Variants in SGCZ observed in about 807,000 individuals in gnomAD.
The protein encoded by SGCZ is zeta-sarcoglycan.
A neutral mutation model predicts 41.3 loss-of-function variants in SGCZ; 40 were observed. That is an observed-to-expected ratio of 0.97 (90% confidence interval 0.75 to 1.26). The LOEUF (loss-of-function observed/expected upper bound fraction) is 1.26, where lower values mean the gene tolerates loss of function less well. Ranked by LOEUF, SGCZ falls within the 50% of genes most tolerant of loss-of-function variation. SGCZ has a pLI of 0.00. For synonymous variants in SGCZ, 206 were observed against 137.5 expected, an observed-to-expected ratio of 1.50 and a Z score of -3.49; for missense variants, 552 against 369.8, an observed-to-expected ratio of 1.49 and a Z score of -4.04.
intron 1 of SGCZ, among the ~76,000 whole-genome samples, chr8:14,942,179 C>T (rs896679231): frequency 6.6e-6 from 1 of 152,108 alleles, no homozygotes; most frequent in Admixed American, 6.6e-5. Context: ...AGTATATAAA[C>T]CTAACTCAGT....
At chr8:14,980,996 A>T (rs1042598843) in intron 1 of SGCZ, among the ~76,000 whole-genome samples, 2 of 152,174 alleles carry the variant, frequency 1.3e-5, no homozygotes, top group African/African-American at 4.8e-5. Context: ...CCTTTGCTCA[A>T]CTTGCCTTGA....
chr8:15,118,099 G>A (rs1007554891), intron 1 of SGCZ, among the ~76,000 whole-genome samples: 2 of 151,880 alleles, frequency 1.3e-5, no homozygotes, highest in African/African-American at 2.4e-5. Flanking sequence ...ATTTAGTTGC[G>A]GTAAAAAAGA....
At chr8:15,090,876 G>C (rs571865578) in intron 1 of SGCZ, among the ~76,000 whole-genome samples, 269 of 152,230 alleles carry the variant, frequency 1.8e-3, no homozygotes, top group Non-Finnish European at 3.0e-3. Flanking sequence ...AATCTTCCAA[G>C]GGAAACGCTA....
chr8:14,770,702 G>A (rs1454390595), intron 1 of SGCZ, among the ~76,000 whole-genome samples: 1 of 152,040 alleles, frequency 6.6e-6, no homozygotes. Flanking sequence ...ATGCCATAAA[G>A]TGCTGTTGAA....
At chr8:14,493,461 G>A (rs928397179) in intron 2 of SGCZ, among the ~76,000 whole-genome samples, 1 of 143,766 alleles carries the variant, frequency 7.0e-6, no homozygotes, top group East Asian at 2.1e-4. Context: ...CTGCCTCCCA[G>A]GGTTCAAGCG....
chr8:14,666,916 T>C (rs1230955913), intron 1 of SGCZ, among the ~76,000 whole-genome samples: 1 of 125,202 alleles, frequency 8.0e-6, no homozygotes, highest in Non-Finnish European at 1.6e-5. Context: ...GAATAAACCC[T>C]AGAAATATGT....
At chr8:15,141,932 GA>G (rs1798894989) in intron 1 of SGCZ, among the ~76,000 whole-genome samples, 1 of 151,574 alleles carries the variant, frequency 6.6e-6, no homozygotes, top group South Asian at 2.1e-4. Flanking sequence ...GAACCTCAGT[GA>G]AAAGATCTGT....
Position 14,427,068 on chromosome 8 carries a change from G to A in SGCZ, c.235-102864C>T, listed in dbSNP as rs9657205. Among the ~76,000 whole-genome samples the A allele has an allele frequency of 7.4e-3, 668 of 90,590 alleles. 4 individuals carry two copies. The highest frequency in any genetic ancestry group is 0.018 in the African/African-American group (566 of 32,008). The allele number at this position is 90,590 out of a possible 152,430, so 59.4% of individuals were successfully genotyped here. ...AATGAATGAATGAATGAATGAATGAGTGAATGAACGAATGAATGAGTGAAT... is the reference window on the plus strand; with the variant it reads ...AATGAATGAATGAATGAATGAATGAATGAATGAACGAATGAATGAGTGAAT... On this transcript the variant is annotated intron_variant, in intron 2 of 7. Coordinates refer to ENST00000382080, the MANE Select transcript of SGCZ (RefSeq NM_139167.4).
At chr8:14,494,511 A>T (rs1052902371) in intron 2 of SGCZ, among the ~76,000 whole-genome samples, 1 of 152,134 alleles carries the variant, frequency 6.6e-6, no homozygotes, top group Non-Finnish European at 1.5e-5. Flanking sequence ...GAATACATAC[A>T]CACATGCACA....
At chr8:14,303,478 T>C (rs1801257691) in intron 3 of SGCZ, among the ~76,000 whole-genome samples, 1 of 152,166 alleles carries the variant, frequency 6.6e-6, no homozygotes, top group Non-Finnish European at 1.5e-5. Flanking sequence ...TAGATGTTCA[T>C]AGACTAGAAG....
intron 1 of SGCZ, among the ~76,000 whole-genome samples, chr8:15,197,492 A>G (rs901869297): frequency 6.6e-6 from 1 of 152,360 alleles, no homozygotes; most frequent in Non-Finnish European, 1.5e-5. Context: ...AAGCACTGGT[A>G]TCTTCGCAGA....
At chr8:14,166,203 T>C (rs922673041) in intron 4 of SGCZ, among the ~76,000 whole-genome samples, 4 of 152,298 alleles carry the variant, frequency 2.6e-5, no homozygotes, top group East Asian at 3.9e-4. Flanking sequence ...TTTTTAAAAA[T>C]AGAATTCATG....
chr8:14,565,735 G>C (rs186538625), intron 1 of SGCZ, among the ~76,000 whole-genome samples: 154 of 152,178 alleles, frequency 1.0e-3, no homozygotes, highest in Non-Finnish European at 1.7e-3. Context: ...TATCCAGAAA[G>C]AGGAGGGGAT....
At chr8:14,313,834 T>C (rs912134646) in intron 3 of SGCZ, among the ~76,000 whole-genome samples, 6 of 152,108 alleles carry the variant, frequency 3.9e-5, no homozygotes, top group African/African-American at 1.4e-4. Context: ...GTGCTTCCTG[T>C]TTATTCTAGG....
At chr8:14,485,279 C>T (rs1167208862) in intron 2 of SGCZ, among the ~76,000 whole-genome samples, 1 of 152,144 alleles carries the variant, frequency 6.6e-6, no homozygotes, top group Non-Finnish European at 1.5e-5. Flanking sequence ...ACCCCCTGCC[C>T]CCGCTGGAAT....
chr8:14,551,533 AATATATATAATATATATAATATATATTAT>A (rs1803841559), intron 2 of SGCZ, among the ~76,000 whole-genome samples: 1 of 12,170 alleles, frequency 8.2e-5, no homozygotes, highest in Non-Finnish European at 1.3e-4. Flanking sequence ...TAATATATAT[AATATATATAATATATATAATATATATTAT>A]ATATATAATA....
intron 1 of SGCZ, among the ~76,000 whole-genome samples, chr8:15,005,010 G>T (rs1390856608): frequency 6.6e-6 from 1 of 152,132 alleles, no homozygotes; most frequent in East Asian, 1.9e-4. Flanking sequence ...TGTATGCAGT[G>T]GTCAGGTTGA....
chr8:14,463,630 CACAG>C (rs1167698471), intron 2 of SGCZ, among the ~76,000 whole-genome samples: 3 of 151,530 alleles, frequency 2.0e-5, no homozygotes, highest in Admixed American at 6.6e-5. Flanking sequence ...CAAAACAAAA[CACAG>C]ACAAACTGTA....
chr8:14,089,715 A>G lies in SGCZ; in HGVS notation c.*728T>C, dbSNP rs917720329. The G allele has an allele frequency of 1.3e-5, 2 of 152,042 alleles. No homozygotes were observed. The allele number at this position is 152,042 out of a possible 1,614,324, so 9.4% of individuals were successfully genotyped here. A position where few individuals can be genotyped will look rare whatever the true frequency, so the allele number is the denominator to read the frequency against. On this transcript the variant is annotated 3_prime_UTR_variant, in exon 8 of 8. Transcript: ENST00000382080. ...ATGTAAATACTATATAAGGCCATCC[A>G]GATCTGACCAATGACATTATAATGG...
Sources: allele counts gnomAD v4.1 joint callset (sites outside exome capture counted in the v4.1 genomes callset), GRCh38; gene constraint gnomAD v4.1.1; transcripts MANE v1.5; gene names NCBI Gene and HGNC (gene_info 2026-07-23, HGNC 2026-07-21).